OPCML: variants seen among roughly 807,000 people sequenced by gnomAD.
OPCML encodes opioid binding protein/cell adhesion molecule like.
In OPCML, 13 loss-of-function variants were observed where a neutral mutation model predicts 37.8. The observed-to-expected ratio is 0.34, with a 90% CI of 0.22 to 0.55. OPCML has a LOEUF of 0.55. OPCML is among the 20% of genes least tolerant of loss of function. OPCML has a pLI of 0.91. For synonymous variants in OPCML, 176 were observed against 168.8 expected, an observed-to-expected ratio of 1.04 and a Z score of -0.33; for missense variants, 341 against 435.6, an observed-to-expected ratio of 0.78 and a Z score of 1.93.
chr11:132,815,687 G>C (rs1183020012), intron 2 of OPCML, among the ~76,000 whole-genome samples: 1 of 152,152 alleles, frequency 6.6e-6, no homozygotes, highest in African/African-American at 2.4e-5. Context: ...CCCCATAGGA[G>C]GGTCCCCAAA....
chr11:133,510,896 C>G (rs977735606), intron 1 of OPCML, among the ~76,000 whole-genome samples: 1 of 141,002 alleles, frequency 7.1e-6, no homozygotes, highest in Non-Finnish European at 1.5e-5. Flanking sequence ...TACACACACA[C>G]ACACACGCAC....
At chr11:133,112,521 T>C (rs188708958) in intron 1 of OPCML, among the ~76,000 whole-genome samples, 131 of 152,308 alleles carry the variant, frequency 8.6e-4, no homozygotes, top group Non-Finnish European at 1.5e-3. Context: ...CCAAATATTG[T>C]AGACATGGGC....
At chr11:133,086,018 G>C (rs572061138) in intron 1 of OPCML, among the ~76,000 whole-genome samples, 1 of 152,280 alleles carries the variant, frequency 6.6e-6, no homozygotes, top group African/African-American at 2.4e-5. Flanking sequence ...AGAAAATAGA[G>C]GACAGTTAAT....
chr11:133,199,499 T>G (rs962561339), intron 1 of OPCML, among the ~76,000 whole-genome samples: 1 of 152,120 alleles, frequency 6.6e-6, no homozygotes, highest in African/African-American at 2.4e-5. Flanking sequence ...AGGGGAACAG[T>G]TAGCTGGATA....
chr11:133,023,177 A>G (rs1320072123), intron 1 of OPCML, among the ~76,000 whole-genome samples: 1 of 152,248 alleles, frequency 6.6e-6, no homozygotes, highest in Non-Finnish European at 1.5e-5. Context: ...CCCTTCAAAC[A>G]TTGGTGAGTG....
rs59690527 is a variant in OPCML, at chr11:132,942,907, C to T, written c.146+19G>A. 6.1e-4 allele frequency: 965 copies of T among 1,592,974 alleles called. 6 individuals carry two copies. The East Asian group carries it at 0.018, about 30-fold the overall frequency. On this transcript the variant is annotated intron_variant, in intron 2 of 7. Coordinates refer to ENST00000524381, the MANE Select transcript of OPCML (RefSeq NM_001012393.5). ...CCACAGCCCAGGGGCTCGGCCCCCGCGGAAGGACAGCTCCCTACCTGAGGG... is the reference window on the plus strand; with the variant it reads ...CCACAGCCCAGGGGCTCGGCCCCCGTGGAAGGACAGCTCCCTACCTGAGGG...
intron 1 of OPCML, among the ~76,000 whole-genome samples, chr11:133,335,927 A>G (rs1943735902): frequency 6.6e-6 from 1 of 152,124 alleles, no homozygotes; most frequent in Non-Finnish European, 1.5e-5. Context: ...CCTGAAAGAA[A>G]GGAGTCTCCA....
chr11:132,985,577 A>G (rs554405696), intron 1 of OPCML, among the ~76,000 whole-genome samples: 33 of 152,360 alleles, frequency 2.2e-4, no homozygotes, highest in African/African-American at 7.9e-4. Flanking sequence ...AACCAGGAGA[A>G]TATTCCCTTA....
At chr11:133,408,985 T>A (rs991561667) in intron 1 of OPCML, among the ~76,000 whole-genome samples, 3 of 152,204 alleles carry the variant, frequency 2.0e-5, no homozygotes, top group Non-Finnish European at 4.4e-5. Context: ...TGGTTTTCAC[T>A]AAACTTAGAT....
At chr11:133,263,682 G>A (rs193199635) in intron 1 of OPCML, among the ~76,000 whole-genome samples, 49 of 152,240 alleles carry the variant, frequency 3.2e-4, no homozygotes, top group Middle Eastern at 3.4e-3. Context: ...TGAAACACCC[G>A]CCACTAATGG....
At chr11:132,834,414 G>T (rs1940892952) in intron 2 of OPCML, among the ~76,000 whole-genome samples, 1 of 152,216 alleles carries the variant, frequency 6.6e-6, no homozygotes, top group South Asian at 2.1e-4. Flanking sequence ...CTGTCACAAA[G>T]CACCATCAAC....
chr11:132,582,285 G>GTC (rs1337790087), intron 3 of OPCML, among the ~76,000 whole-genome samples: 1 of 152,000 alleles, frequency 6.6e-6, no homozygotes, highest in African/African-American at 2.4e-5. Context: ...TAATACCAAT[G>GTC]AAAGGACATT....
At chr11:132,561,789 G>A (rs2096411277) in intron 3 of OPCML, among the ~76,000 whole-genome samples, 2 of 152,216 alleles carry the variant, frequency 1.3e-5, no homozygotes, top group Non-Finnish European at 2.9e-5. Flanking sequence ...CGATGGCACA[G>A]GAGAACAGGC....
intron 2 of OPCML, among the ~76,000 whole-genome samples, chr11:132,882,020 T>C (rs1943242368): frequency 6.6e-6 from 1 of 152,216 alleles, no homozygotes; most frequent in South Asian, 2.1e-4. Flanking sequence ...TAAGGAGACT[T>C]AACCCAACTT....
At position 133,431,242 on chromosome 11, in the gene OPCML, G is replaced by A. The variant is rs570737036; in HGVS notation, c.61+101022C>T. ...GCTAAATCCTAGTTAAACGTCATTCGACAATCATTTGTTGAGTAGGTAAAT... is the reference window on the plus strand; with the variant it reads ...GCTAAATCCTAGTTAAACGTCATTCAACAATCATTTGTTGAGTAGGTAAAT... On this transcript the variant is annotated intron_variant, in intron 1 of 7. Transcript: ENST00000524381. Among the ~76,000 whole-genome samples the A allele has an allele frequency of 1.6e-3, 238 of 152,130 alleles. 1 individual carries two copies. The highest frequency in any genetic ancestry group is 5.3e-3 in the African/African-American group (218 of 41,494).
chr11:133,322,805 C>T lies in OPCML; in HGVS notation c.61+209459G>A, dbSNP rs545203493. Among the ~76,000 whole-genome samples, 9 of 152,304 alleles carry T rather than the reference C, an allele frequency of 5.9e-5. No homozygotes were observed. The South Asian group carries it at 1.9e-3, about 32-fold the overall frequency. On this transcript the variant is annotated intron_variant, in intron 1 of 7. Coordinates refer to ENST00000524381, the MANE Select transcript of OPCML (RefSeq NM_001012393.5). ...ATGTCCAGTTTTTAGTTCAAGCTGTCATCTCCCCACCTACCCTGCTGCTTT... is the reference window on the plus strand; with the variant it reads ...ATGTCCAGTTTTTAGTTCAAGCTGTTATCTCCCCACCTACCCTGCTGCTTT...
intron 2 of OPCML, among the ~76,000 whole-genome samples, chr11:132,760,723 C>T (rs1386740045): frequency 6.6e-6 from 1 of 151,868 alleles, no homozygotes; most frequent in Non-Finnish European, 1.5e-5. Context: ...CTCTTGAATA[C>T]AGCACACTGA....
rs144242742 is a variant in OPCML, at chr11:132,677,241, T to C, written c.147-19922A>G. 9.5e-3 allele frequency among the ~76,000 whole-genome samples: 1,447 copies of C among 152,086 alleles called. 23 individuals carry two copies. The highest frequency in any genetic ancestry group is 0.031 in the African/African-American group (1,302 of 41,500). ...AAAACTGTAAAACTGATGAACAAAA[T>C]GAAAGATGAACCAACTAAATGAAGA... On this transcript the variant is annotated intron_variant, in intron 2 of 7. Coordinates refer to ENST00000524381, the MANE Select transcript of OPCML (RefSeq NM_001012393.5).
rs921979438 is a variant in OPCML at position 132,943,969 on chromosome 11, A to G, written c.62-959T>C. ...GGCAGCAGCTCCATCCCTGACCGCC[A>G]CTTTCTCCCGGTGCCGCCTCGGAGC... On this transcript the variant is annotated intron_variant, in intron 1 of 7. Coordinates refer to ENST00000524381, the MANE Select transcript of OPCML (RefSeq NM_001012393.5). This position sits in a 1 kb window ranked among gnomAD's most constrained non-coding sequence, Gnocchi z 4.3. Among the ~76,000 whole-genome samples the G allele has an allele frequency of 4.6e-5, 7 of 151,754 alleles. No individual in the cohort carries two copies. The highest frequency in any genetic ancestry group is 1.7e-4 in the African/African-American group (7 of 41,406).
Sources: gnomAD v4.1 joint callset for allele counts (sites outside exome capture counted in the v4.1 genomes callset) on GRCh38, gnomAD v4.1.1 for gene constraint, Gnocchi (gnomAD v3.1) non-coding constraint, MANE v1.5 for transcripts, NCBI Gene and HGNC (gene_info 2026-07-23, HGNC 2026-07-21) for gene names.